The following UMODL1 variants were observed in gnomAD, a reference collection of about 807,000 sequenced individuals.
UMODL1 encodes uromodulin like 1, also known as uromodulin-like 1.
A neutral mutation model predicts 136.3 loss-of-function variants in UMODL1; 128 were observed. The observed-to-expected ratio is 0.94, with a 90% CI of 0.81 to 1.09. The LOEUF is 1.09. UMODL1 is among the 50% of genes least tolerant of loss of function. The pLI, the probability that UMODL1 is intolerant of heterozygous loss-of-function variation, is 0.00. For missense variants in UMODL1, 1,766 were observed against 1,725.6 expected (o/e 1.02, Z -0.41); for synonymous variants, 721 against 720.0 (o/e 1.00, Z -0.02).
chr21:42,077,312 T>C (rs2066306339), intron 2 of UMODL1, among the ~76,000 whole-genome samples: 1 of 151,946 alleles, frequency 6.6e-6, no homozygotes, highest in African/African-American at 2.4e-5. Flanking sequence ...CCAGGCGAGT[T>C]AGAGAAAACG....
chr21:42,125,898 G>A (rs2067047075), intron 17 of UMODL1, among the ~76,000 whole-genome samples: 1 of 152,224 alleles, frequency 6.6e-6, no homozygotes, highest in African/African-American at 2.4e-5. Context: ...CCTGGGCAGA[G>A]CCTGCAGCCG....
intron 21 of UMODL1, among the ~76,000 whole-genome samples, chr21:42,132,908 C>T (rs2067152845): frequency 6.6e-6 from 1 of 152,172 alleles, no homozygotes. Context: ...AAGAGCCTGG[C>T]CCATAGAAGT....
At chr21:42,131,423 G>GACTCAACTGCTGGTTCTCATTTA (rs2067132521) in intron 21 of UMODL1, among the ~76,000 whole-genome samples, 1 of 100,090 alleles carries the variant, frequency 1.0e-5, no homozygotes, top group Non-Finnish European at 2.1e-5. Context: ...TCTCGGCCAT[G>GACTCAACTGCTGGTTCTCATTTA]AAGCTGGGGA....
At chr21:42,125,583 C>T (rs138821136) in intron 17 of UMODL1, among the ~76,000 whole-genome samples, 51 of 152,320 alleles carry the variant, frequency 3.3e-4, no homozygotes, top group African/African-American at 1.1e-3. Context: ...TAGTTTTCTC[C>T]CTCAAAGCTT....
Position 42,111,065 on chromosome 21 carries a change from G to A in UMODL1, c.1843G>A (p.Gly615Ser), listed in dbSNP as rs1160643167. The change falls in exon 11 of 23, where the codon GGC becomes AGC. Residue 615 changes from glycine to serine, a missense_variant. Gly to Ser is a moderately conservative substitution (Grantham distance 56). Transcript: ENST00000408910. ...WTPEPSPRRG[G>S]SNVVGYDRNN... ...CCCAGAGCCCTCACCCAGAAGAGGG[G>A]GCAGCAATGTGGTCGGGTATGACAG... 1.2e-6 allele frequency: 2 copies of A among 1,613,440 alleles called. No homozygotes were observed. Among genetic ancestry groups the A allele is most frequent in the South Asian group, 1.1e-5 (1 of 90,980 alleles).
intron 5 of UMODL1, among the ~76,000 whole-genome samples, chr21:42,089,039 A>G (rs1014784109): frequency 6.6e-6 from 1 of 152,096 alleles, no homozygotes; most frequent in African/African-American, 2.4e-5. Flanking sequence ...GTTCTATGTC[A>G]GGAATTGGCA....
chr21:42,108,680 C>T (rs1601232859), intron 9 of UMODL1: 1 of 317,778 alleles, frequency 3.1e-6, no homozygotes, highest in Non-Finnish European at 6.3e-6. Flanking sequence ...GGGCCTGGCC[C>T]TGACGACCTC....
chr21:42,073,804 G>T (rs1297487201), intron 1 of UMODL1, among the ~76,000 whole-genome samples: 1 of 147,772 alleles, frequency 6.8e-6, no homozygotes, highest in Non-Finnish European at 1.5e-5. Context: ...CCATCTCTGT[G>T]TTCCTCCCCA....
chr21:42,114,525 C>G (rs921061813), intron 13 of UMODL1, among the ~76,000 whole-genome samples: 2 of 151,344 alleles, frequency 1.3e-5, no homozygotes, highest in Non-Finnish European at 2.9e-5. Context: ...GGGGCGCACA[C>G]CCCTTGAGGG....
intron 2 of UMODL1, among the ~76,000 whole-genome samples, chr21:42,077,917 T>C (rs916808327): frequency 6.6e-6 from 1 of 152,158 alleles, no homozygotes; most frequent in African/African-American, 2.4e-5. Context: ...GAGTCTGGGG[T>C]CTGCATAGAC....
intron 4 of UMODL1, 86 bp from the exon 5 acceptor site, chr21:42,088,208 T>A: frequency 1.4e-6 from 2 of 1,432,832 alleles, no homozygotes; most frequent in East Asian, 2.3e-5. Flanking sequence ...TGTGGACAGT[T>A]CATTTCAGCT....
chr21:42,099,300 C>A lies in UMODL1; in HGVS notation c.1186+120C>A. 7.3e-7 allele frequency: 1 copy of A among 1,374,692 alleles called. No individual in the cohort carries two copies. The allele number at this position is 1,374,692 out of a possible 1,614,324, so 85.2% of individuals were successfully genotyped here. On this transcript the variant is annotated intron_variant, in intron 7 of 22. Coordinates refer to ENST00000408910, the MANE Select transcript of UMODL1 (RefSeq NM_001004416.3). The surrounding 1 kb of genome is among the most constrained non-coding windows in gnomAD (Gnocchi z 4.1). ...CCAGGGCACCAGAAGTCACTGACCG[C>A]CCTGCACTTCCTCCCTCCCCTCCCA...
At chr21:42,127,553 T>A in intron 19 of UMODL1, 119 bp from the exon 20 acceptor site, 1 of 1,248,780 alleles carries the variant, frequency 8.0e-7, no homozygotes, top group Non-Finnish European at 1.1e-6. Flanking sequence ...GGTCCTCGAC[T>A]TCCACGGAGC....
intron 1 of UMODL1, among the ~76,000 whole-genome samples, chr21:42,075,782 T>G (rs181993488): frequency 1.9e-4 from 29 of 152,368 alleles, no homozygotes; most frequent in African/African-American, 6.7e-4. Context: ...CAGGCCAGGC[T>G]ACGTTTATGC....
chr21:42,064,660 A>T (rs543982663), intron 1 of UMODL1, among the ~76,000 whole-genome samples: 1 of 152,156 alleles, frequency 6.6e-6, no homozygotes, highest in Non-Finnish European at 1.5e-5. Flanking sequence ...GGTTCAAGCG[A>T]TTCCCCTGCC....
intron 20 of UMODL1, chr21:42,128,040 G>A (rs960649513): frequency 1.5e-6 from 1 of 688,972 alleles, no homozygotes; most frequent in Non-Finnish European, 2.6e-6. Context: ...GGACTGGTGG[G>A]CATTTCCCAT....
intron 1 of UMODL1, among the ~76,000 whole-genome samples, chr21:42,073,400 C>T (rs1310619658): frequency 6.6e-6 from 1 of 152,202 alleles, no homozygotes; most frequent in Non-Finnish European, 1.5e-5. Flanking sequence ...ACCTCCCGTT[C>T]CTTTGCAGAG....
intron 17 of UMODL1, among the ~76,000 whole-genome samples, chr21:42,124,235 C>G (rs1387039635): frequency 1.3e-5 from 2 of 152,188 alleles, no homozygotes; most frequent in Non-Finnish European, 1.5e-5. Context: ...AGGGGAGAGC[C>G]AGCACCTTCC....
chr21:42,111,146 GGGA>G, intron 11 of UMODL1, 25 bp downstream of exon 11: 1 of 1,595,194 alleles, frequency 6.3e-7, no homozygotes, highest in East Asian at 2.3e-5. Context: ...CCCGGGTCTG[GGGA>G]TGGACCAGGG....
Sources: gnomAD v4.1 joint callset for allele counts (sites outside exome capture counted in the v4.1 genomes callset) on GRCh38, gnomAD v4.1.1 for gene constraint, Gnocchi (gnomAD v3.1) non-coding constraint, MANE v1.5 for transcripts, NCBI Gene and HGNC (gene_info 2026-07-23, HGNC 2026-07-21) for gene names.